DLG2: variants seen among roughly 807,000 people sequenced by gnomAD.
The protein encoded by DLG2 is disks large homolog 2.
Under a neutral mutation model 132.5 loss-of-function variants are expected in DLG2, and 45 were observed. The observed-to-expected ratio is 0.34, with a 90% confidence interval of 0.27 to 0.44. The LOEUF is 0.44. DLG2 is among the 20% of genes least tolerant of loss of function. The pLI is 1.00. For synonymous variants in DLG2, 424 were observed against 419.6 expected, an observed-to-expected ratio of 1.01 and a Z score of -0.13; for missense variants, 1,045 against 1,196.9, an observed-to-expected ratio of 0.87 and a Z score of 1.87.
At chr11:83,500,349 G>T (rs2094401590) in intron 21 of DLG2, among the ~76,000 whole-genome samples, 1 of 152,092 alleles carries the variant, frequency 6.6e-6, no homozygotes, top group Non-Finnish European at 1.5e-5. Context: ...GGCAGACTAG[G>T]TTTAGTATTA....
At chr11:83,889,763 G>A (rs12271310) in intron 15 of DLG2, among the ~76,000 whole-genome samples, 14,666 of 152,108 alleles carry the variant, frequency 0.096, 841 homozygotes, top group Middle Eastern at 0.2. Flanking sequence ...TATACACCAT[G>A]GAATACTATG....
intron 7 of DLG2, among the ~76,000 whole-genome samples, chr11:84,470,296 G>A (rs189256352): frequency 1.8e-4 from 28 of 151,820 alleles, no homozygotes; most frequent in Non-Finnish European, 3.8e-4. Flanking sequence ...TCAAAGAAGA[G>A]GTGAGGATAG....
At chr11:84,114,769 C>A (rs976989512) in intron 9 of DLG2, among the ~76,000 whole-genome samples, 9 of 150,864 alleles carry the variant, frequency 6.0e-5, no homozygotes, top group African/African-American at 2.2e-4. Context: ...ACTACAACTT[C>A]TTTCACGTCA....
chr11:84,233,562 G>C (rs1199546601), intron 8 of DLG2, among the ~76,000 whole-genome samples: 1 of 152,170 alleles, frequency 6.6e-6, no homozygotes, highest in African/African-American at 2.4e-5. Context: ...ACATGGCATA[G>C]CTCAGGCAGA....
At chr11:84,407,935 T>C (rs2098865834) in intron 7 of DLG2, among the ~76,000 whole-genome samples, 1 of 152,184 alleles carries the variant, frequency 6.6e-6, no homozygotes, top group Non-Finnish European at 1.5e-5. Context: ...CTTGTAGCTA[T>C]CTTGAAGAAA....
At chr11:84,079,863 C>T (rs1215446377) in intron 10 of DLG2, among the ~76,000 whole-genome samples, 1 of 152,204 alleles carries the variant, frequency 6.6e-6, no homozygotes, top group Non-Finnish European at 1.5e-5. Flanking sequence ...CCTCCTCAGG[C>T]CTTTGGGCAT....
intron 11 of DLG2, among the ~76,000 whole-genome samples, chr11:84,038,803 A>C (rs564978055): frequency 6.6e-6 from 1 of 152,192 alleles, no homozygotes; most frequent in East Asian, 1.9e-4. Flanking sequence ...GAAACTTACA[A>C]TCATGGCAGA....
intron 6 of DLG2, among the ~76,000 whole-genome samples, chr11:84,871,589 T>C (rs1409638390): frequency 6.6e-6 from 1 of 152,120 alleles, no homozygotes; most frequent in African/African-American, 2.4e-5. Flanking sequence ...GCATATGATT[T>C]TTTAATCTGC....
chr11:85,559,142 C>A (rs978015588), intron 3 of DLG2, among the ~76,000 whole-genome samples: 10 of 149,910 alleles, frequency 6.7e-5, no homozygotes, highest in African/African-American at 2.2e-4. Flanking sequence ...ATATGGCTTC[C>A]ATTATTATTA....
chr11:84,705,290 T>C (rs980091789), intron 6 of DLG2, among the ~76,000 whole-genome samples: 1 of 151,720 alleles, frequency 6.6e-6, no homozygotes, highest in Non-Finnish European at 1.5e-5. Context: ...GACTATCTCA[T>C]GCCTACATGT....
intron 14 of DLG2, among the ~76,000 whole-genome samples, chr11:83,940,305 T>C (rs2082355737): frequency 6.6e-6 from 1 of 152,208 alleles, no homozygotes; most frequent in Non-Finnish European, 1.5e-5. Context: ...TCTTCTTAAC[T>C]CCCATACAGT....
intron 7 of DLG2, among the ~76,000 whole-genome samples, chr11:84,393,329 A>G (rs1163255515): frequency 6.6e-6 from 1 of 152,210 alleles, no homozygotes; most frequent in Admixed American, 6.5e-5. Context: ...AAACATATAT[A>G]GAAGAGTATA....
At chr11:83,670,059 T>C (rs2076580206) in intron 18 of DLG2, among the ~76,000 whole-genome samples, 1 of 152,208 alleles carries the variant, frequency 6.6e-6, no homozygotes, top group Non-Finnish European at 1.5e-5. Context: ...GTGGGTGCAA[T>C]ATCACATCTA....
At chr11:83,754,151 T>C (rs2093551527) in intron 18 of DLG2, among the ~76,000 whole-genome samples, 1 of 150,458 alleles carries the variant, frequency 6.6e-6, no homozygotes, top group Non-Finnish European at 1.5e-5. Flanking sequence ...TGATCTTTAG[T>C]TCTCTACCAG....
At chr11:85,331,907 A>G (rs528937776) in intron 3 of DLG2, among the ~76,000 whole-genome samples, 2 of 152,312 alleles carry the variant, frequency 1.3e-5, no homozygotes, top group South Asian at 4.1e-4. Context: ...TGCTATTATA[A>G]ATAGTGCTAC....
At chr11:85,136,251 A>G (rs1043449302) in intron 5 of DLG2, among the ~76,000 whole-genome samples, 3 of 152,212 alleles carry the variant, frequency 2.0e-5, no homozygotes, top group Non-Finnish European at 4.4e-5. Context: ...TATGTTATAT[A>G]TTCATTTGTT....
chr11:85,201,531 T>C (rs2081459099), intron 4 of DLG2, among the ~76,000 whole-genome samples: 2 of 152,196 alleles, frequency 1.3e-5, no homozygotes, highest in Admixed American at 1.3e-4. Context: ...ACACATGGCT[T>C]GGGTGCCCTT....
chr11:85,525,050 T>G (rs1254897101), intron 3 of DLG2: 2 of 152,172 alleles, frequency 1.3e-5, no homozygotes, highest in African/African-American at 2.4e-5. Context: ...GAAAAAAACA[T>G]GTAAAATTAT....
chr11:84,641,628 C>T (rs1208568897), intron 6 of DLG2, among the ~76,000 whole-genome samples: 3 of 152,076 alleles, frequency 2.0e-5, no homozygotes, highest in East Asian at 1.9e-4. Context: ...AGTGAGGCAG[C>T]GTAGTTTAAG....
Sources: allele counts gnomAD v4.1 joint callset (sites outside exome capture counted in the v4.1 genomes callset), GRCh38; gene constraint gnomAD v4.1.1; transcripts MANE v1.5; gene names NCBI Gene and HGNC (gene_info 2026-07-23, HGNC 2026-07-21).